Variants in UTP20 observed in about 807,000 individuals in gnomAD.
UTP20 encodes the protein UTP20 small subunit processome component, also known as small subunit processome component 20 homolog.
A neutral mutation model predicts 329.5 loss-of-function variants in UTP20; 164 were observed. That is an observed-to-expected ratio of 0.50 (90% confidence interval 0.44 to 0.57). The LOEUF is 0.57. Among genes scored for constraint, UTP20 ranks in the 20% least tolerant of loss-of-function variants. The pLI is 0.00. For missense variants in UTP20, 3,055 were observed against 3,284.2 expected, an observed-to-expected ratio of 0.93 and a Z score of 1.71; for synonymous variants, 1,151 against 1,159.3, an observed-to-expected ratio of 0.99 and a Z score of 0.14.
intron 25 of UTP20, among the ~76,000 whole-genome samples, chr12:101,324,591 A>C (rs1868495518): frequency 6.6e-6 from 1 of 152,142 alleles, no homozygotes; most frequent in South Asian, 2.1e-4. Flanking sequence ...TTTAATATGC[A>C]CTAAATATCC....
At chr12:101,367,768 T>C (rs1870143793) in intron 47 of UTP20, 92 bp from the exon 48 acceptor site, 1 of 769,198 alleles carries the variant, frequency 1.3e-6, no homozygotes, top group African/African-American at 1.7e-5. Flanking sequence ...ATCTTAACAT[T>C]TCTTGCTTTT....
chr12:101,329,819 C>T (rs1868698498), intron 27 of UTP20, among the ~76,000 whole-genome samples: 4 of 151,866 alleles, frequency 2.6e-5, no homozygotes, highest in African/African-American at 9.7e-5. Flanking sequence ...GCCTGGACAA[C>T]ATAGCAAGAC....
chr12:101,333,453 C>A lies in UTP20; in HGVS notation c.3561+9C>A, dbSNP rs1472630032. ...GTGCAGTTTGGCCCCAGGTAAACCT[C>A]AATTTCTACATCTGCCTATGTACGT... On this transcript the variant is annotated intron_variant, in intron 28 of 61. Transcript: ENST00000261637. The A allele has an allele frequency of 2.5e-6, 4 of 1,611,910 alleles. No individual in the cohort carries two copies. The highest frequency in any genetic ancestry group is 2.7e-5 in the African/African-American group (2 of 74,756).
At chr12:101,315,743 T>C (rs1872953598) in intron 21 of UTP20, among the ~76,000 whole-genome samples, 1 of 152,242 alleles carries the variant, frequency 6.6e-6, no homozygotes, top group South Asian at 2.1e-4. Flanking sequence ...TATCAGTTTT[T>C]TGAACTGCAA....
chr12:101,370,298 G>T, intron 49 of UTP20, 134 bp from the exon 50 acceptor site: 1 of 1,108,694 alleles, frequency 9.0e-7, no homozygotes, highest in Non-Finnish European at 1.3e-6. Context: ...TTTTTCCAGA[G>T]TAATTTGCCA....
In UTP20 at chr12:101,329,428, C is replaced by T. The variant is rs1227281366; in HGVS notation, c.3396C>T (p.His1132=). ...TCTGTATGACAGCAACCGTATCACA[C>T]ATCCTTGACCAACGAGAAAAGGTTA... ...ILLCMTATVS[H]ILDQREKIQL... The change falls in exon 27 of 62, where the codon CAC becomes CAT. Residue 1132 remains histidine, a synonymous_variant. Coordinates refer to ENST00000261637, the MANE Select transcript of UTP20 (RefSeq NM_014503.3). The T allele has an allele frequency of 1.2e-6, 2 of 1,612,226 alleles. No individual in the cohort carries two copies. Among genetic ancestry groups the T allele is most frequent in the East Asian group, 2.2e-5 (1 of 44,774 alleles).
chr12:101,345,772 C>T (rs1357362108), intron 37 of UTP20, 78 bp downstream of exon 37: 3 of 1,324,040 alleles, frequency 2.3e-6, no homozygotes, highest in Admixed American at 5.3e-5. Flanking sequence ...TTTGGAAAGA[C>T]ATGTTTTAAC....
At chr12:101,365,212 C>T (rs1016689094) in intron 45 of UTP20, among the ~76,000 whole-genome samples, 1 of 151,940 alleles carries the variant, frequency 6.6e-6, no homozygotes, top group African/African-American at 2.4e-5. Flanking sequence ...CAGCAGAGAA[C>T]AGGGAGGGAG....
chr12:101,296,464 G>A lies in UTP20; in HGVS notation c.1430+806G>A, dbSNP rs192931961. Among the ~76,000 whole-genome samples the A allele has an allele frequency of 3.8e-3, 575 of 151,764 alleles. 6 individuals carry two copies. Among genetic ancestry groups the A allele is most frequent in the African/African-American group, 0.013 (542 of 41,412 alleles). On this transcript the variant is annotated intron_variant, in intron 12 of 61. Coordinates refer to ENST00000261637, the MANE Select transcript of UTP20 (RefSeq NM_014503.3). ...CGGACGCCTGTAGTCCTAGTTACTCGGGAGGCTGAGGCAGGAGAATGGCGT... is the reference window on the plus strand; with the variant it reads ...CGGACGCCTGTAGTCCTAGTTACTCAGGAGGCTGAGGCAGGAGAATGGCGT...
At chr12:101,321,464 T>C in intron 24 of UTP20, 40 bp from the exon 25 acceptor site, 1 of 1,607,504 alleles carries the variant, frequency 6.2e-7, no homozygotes, top group South Asian at 1.1e-5. Flanking sequence ...AAAAGCACTG[T>C]TGATAAAGTG....
In UTP20 at chr12:101,284,451, A is replaced by G. The variant is rs1404934629; in HGVS notation, c.127-1119A>G. Among the ~76,000 whole-genome samples, 5 of 152,164 alleles carry G rather than the reference A, an allele frequency of 3.3e-5. No individual in the cohort carries two copies. In the East Asian group the frequency reaches 9.6e-4, roughly 29 times the overall value. On this transcript the variant is annotated intron_variant, in intron 2 of 61. Coordinates refer to ENST00000261637, the MANE Select transcript of UTP20 (RefSeq NM_014503.3). ...TCTTTTTTAAGGCATATAATATTCC[A>G]TGGTGTATATGTACTATATTTTCTT... is the stretch of plus-strand genomic sequence containing the variant.
chr12:101,306,919 A>G (rs903858271), intron 17 of UTP20, among the ~76,000 whole-genome samples, 158 bp downstream of exon 17: 10 of 152,158 alleles, frequency 6.6e-5, no homozygotes, highest in Non-Finnish European at 1.5e-4. Context: ...CACGCCTGTA[A>G]TCCCAGCACT....
At chr12:101,379,719 T>A (rs1054198254) in intron 57 of UTP20, among the ~76,000 whole-genome samples, 161 bp downstream of exon 57, 3 of 152,166 alleles carry the variant, frequency 2.0e-5, no homozygotes, top group Non-Finnish European at 4.4e-5. Context: ...GAGGGGTCAC[T>A]CTCAAGGCCA....
Position 101,363,664 on chromosome 12 carries a change from A to G in UTP20, c.5879A>G (p.Lys1960Arg). 2 of 1,613,844 alleles carry G rather than the reference A, an allele frequency of 1.2e-6. No homozygotes were observed. The highest frequency in any genetic ancestry group is 1.7e-6 in the Non-Finnish European group (2 of 1,179,710). ...AAAGTCATGGAAGCACGAAGAAGCA[A>G]AAGTTACGACTCTTATGAAATCCTC... is the stretch of plus-strand genomic sequence containing the variant. ...LSKVMEARRS[K>R]SYDSYEILGK... Residue 1960 changes from lysine (K) to arginine (R), a missense_variant, in exon 45 of 62, where the codon AAA becomes AGA. Physicochemically the swap from Lys to Arg is conservative, Grantham distance 26 (BLOSUM62 2). Around this residue, in one of 3 missense-constraint regions of UTP20, gnomAD observed 2,445 missense variants for 2,575.5 expected, o/e 0.95. Coordinates refer to ENST00000261637, the MANE Select transcript of UTP20 (RefSeq NM_014503.3).
At chr12:101,312,948 G>A (rs1241340794) in intron 21 of UTP20, among the ~76,000 whole-genome samples, 4 of 152,150 alleles carry the variant, frequency 2.6e-5, no homozygotes, top group African/African-American at 9.7e-5. Flanking sequence ...ATGTAGAAAG[G>A]CCTTATTATT....
intron 5 of UTP20, among the ~76,000 whole-genome samples, chr12:101,286,712 C>T (rs1253381748): frequency 6.6e-6 from 1 of 151,838 alleles, no homozygotes; most frequent in Non-Finnish European, 1.5e-5. Context: ...TGGAAGTATA[C>T]CCACCCAAGA....
intron 11 of UTP20, among the ~76,000 whole-genome samples, chr12:101,293,886 A>AT (rs900670738): frequency 6.6e-5 from 10 of 150,590 alleles, no homozygotes; most frequent in East Asian, 2.0e-4. Flanking sequence ...TGGTCTTTTT[A>AT]TTTTTTTTTA....
intron 24 of UTP20, among the ~76,000 whole-genome samples, chr12:101,321,221 A>G (rs562350659): frequency 1.3e-5 from 2 of 152,290 alleles, no homozygotes; most frequent in South Asian, 4.2e-4. Flanking sequence ...TTACTTAGAG[A>G]ATCAAAGTCA....
chr12:101,380,833 C>T (rs1870620865), intron 57 of UTP20, among the ~76,000 whole-genome samples: 1 of 147,552 alleles, frequency 6.8e-6, no homozygotes, highest in South Asian at 2.2e-4. Flanking sequence ...CAGTGCAGTC[C>T]AGCCCGGGCC....
Sources: allele counts gnomAD v4.1 joint callset (sites outside exome capture counted in the v4.1 genomes callset), GRCh38; gene constraint gnomAD v4.1.1; regional missense constraint gnomAD v4.1.1; transcripts MANE v1.5; gene names NCBI Gene and HGNC (gene_info 2026-07-23, HGNC 2026-07-21).